Variants in PLCB4 observed in about 807,000 individuals in gnomAD.
The protein encoded by PLCB4 is phospholipase C beta 4, also known as 1-phosphatidylinositol 4,5-bisphosphate phosphodiesterase beta-4.
A neutral mutation model predicts 178.8 loss-of-function variants in PLCB4; 77 were observed. The ratio of observed to expected loss-of-function variants is 0.43; its 90% CI spans 0.36 to 0.52. The LOEUF is 0.52. PLCB4 is among the 20% of genes least tolerant of loss of function. The pLI is 0.00. For missense variants in PLCB4, 1,024 were observed against 1,453.4 expected (o/e 0.70, Z 4.80); for synonymous variants, 496 against 490.8 (o/e 1.01, Z -0.14).
chr20:9,356,615 C>G (rs1417960834), intron 7 of PLCB4, among the ~76,000 whole-genome samples: 3 of 152,150 alleles, frequency 2.0e-5, no homozygotes, highest in African/African-American at 7.2e-5. Context: ...TAGTTTGCTC[C>G]AAGTGCATGG....
chr20:9,296,542 TA>T (rs1339917198), intron 3 of PLCB4, among the ~76,000 whole-genome samples: 1 of 152,112 alleles, frequency 6.6e-6, no homozygotes, highest in African/African-American at 2.4e-5. Flanking sequence ...CATGCTGCTA[TA>T]AAGACACATG....
intron 3 of PLCB4, among the ~76,000 whole-genome samples, chr20:9,240,941 G>A (rs1274284099): frequency 6.6e-6 from 1 of 152,022 alleles, no homozygotes; most frequent in East Asian, 1.9e-4. Flanking sequence ...ATTTCCTGGT[G>A]GTAGCAGAGA....
chr20:9,216,280 C>T (rs1334147729), intron 2 of PLCB4, among the ~76,000 whole-genome samples: 1 of 147,548 alleles, frequency 6.8e-6, no homozygotes, highest in African/African-American at 2.5e-5. Context: ...TGCAGTGGTG[C>T]CATCTCGGCT....
chr20:9,287,893 A>T (rs1050185395), intron 3 of PLCB4, among the ~76,000 whole-genome samples: 1 of 152,048 alleles, frequency 6.6e-6, no homozygotes, highest in Admixed American at 6.6e-5. Flanking sequence ...AACAACAGTA[A>T]TTTCCATATT....
chr20:9,434,690 G>A (rs1467782790), intron 28 of PLCB4, among the ~76,000 whole-genome samples: 1 of 150,024 alleles, frequency 6.7e-6, no homozygotes, highest in Non-Finnish European at 1.5e-5. Flanking sequence ...ATGTGCAAAT[G>A]TTATTTTCTG....
intron 2 of PLCB4, among the ~76,000 whole-genome samples, chr20:9,183,633 A>G (rs1369832357): frequency 6.6e-6 from 1 of 152,218 alleles, no homozygotes; most frequent in East Asian, 1.9e-4. Flanking sequence ...AGTGATAAGT[A>G]ATATTTTAAG....
chr20:9,416,409 ACCTT>A (rs1179976806), intron 25 of PLCB4, among the ~76,000 whole-genome samples: 1 of 152,082 alleles, frequency 6.6e-6, no homozygotes, highest in African/African-American at 2.4e-5. Flanking sequence ...CCAAGTCCCG[ACCTT>A]CCTCGGGAGG....
chr20:9,289,218 T>C (rs1338064159), intron 3 of PLCB4, among the ~76,000 whole-genome samples: 1 of 152,256 alleles, frequency 6.6e-6, no homozygotes, highest in African/African-American at 2.4e-5. Flanking sequence ...GGCAGCAACA[T>C]TGATTTTATT....
At chr20:9,088,863 G>A (rs866070255) in intron 1 of PLCB4, among the ~76,000 whole-genome samples, 1 of 151,984 alleles carries the variant, frequency 6.6e-6, no homozygotes, top group South Asian at 2.1e-4. Context: ...ATATGTAAAT[G>A]TGTACTTTTT....
At chr20:9,175,950 C>T (rs2093147718) in intron 2 of PLCB4, among the ~76,000 whole-genome samples, 1 of 152,154 alleles carries the variant, frequency 6.6e-6, no homozygotes, top group South Asian at 2.1e-4. Flanking sequence ...TACACCACCA[C>T]CACAATCACA....
At chr20:9,173,632 T>A (rs1277961061) in intron 2 of PLCB4, among the ~76,000 whole-genome samples, 1 of 152,202 alleles carries the variant, frequency 6.6e-6, no homozygotes. Context: ...CCCGTGACTA[T>A]GGCTGAATCC....
In PLCB4 at chr20:9,480,419, A is replaced by G. The variant is rs1356634152; in HGVS notation, c.*1410A>G. ...TGAACAAAGCGGAGAAAATGATGATACCATCAATATTGAAATTAAACTTCC... is the reference window on the plus strand; with the variant it reads ...TGAACAAAGCGGAGAAAATGATGATGCCATCAATATTGAAATTAAACTTCC... On this transcript the variant is annotated 3_prime_UTR_variant, in exon 40 of 40. Transcript: ENST00000378473. 6.6e-6 allele frequency: 1 copy of G among 152,636 alleles called. No individual in the cohort carries two copies. The highest frequency in any genetic ancestry group is 1.5e-5 in the Non-Finnish European group (1 of 68,040). 9.5% of individuals were successfully genotyped at this position (152,636 alleles called of 1,614,324 possible).
chr20:9,125,912 T>C (rs2092100849), intron 2 of PLCB4, among the ~76,000 whole-genome samples: 1 of 152,128 alleles, frequency 6.6e-6, no homozygotes, highest in African/African-American at 2.4e-5. Flanking sequence ...AAGTTTACTT[T>C]GTTGGGGGAG....
At chr20:9,096,697 A>G (rs1432800783) in intron 2 of PLCB4, among the ~76,000 whole-genome samples, 1 of 152,148 alleles carries the variant, frequency 6.6e-6, no homozygotes, top group Non-Finnish European at 1.5e-5. Context: ...GGAAACCAAG[A>G]CAGTGTGGAA....
rs182392172 is a variant in PLCB4 at position 9,205,041 on chromosome 20, T to A, written c.-78-12349T>A. 6.6e-3 allele frequency among the ~76,000 whole-genome samples: 1,010 copies of A among 152,340 alleles called. 17 individuals are homozygous for A. Among genetic ancestry groups the A allele is most frequent in the African/African-American group, 0.023 (964 of 41,570 alleles). On this transcript the variant is annotated intron_variant, in intron 2 of 39. Coordinates refer to ENST00000378473, the MANE Select transcript of PLCB4 (RefSeq NM_001377142.1). ...TGACTTATGATGGTTCTGCTTACAA[T>A]TTTTTCTCTTAACAATGGTGCAAAA...
At chr20:9,428,376 G>A (rs1415896496) in intron 28 of PLCB4, among the ~76,000 whole-genome samples, 1 of 152,164 alleles carries the variant, frequency 6.6e-6, no homozygotes, top group East Asian at 1.9e-4. Context: ...GGGCAGGATG[G>A]ATTATGGTAA....
intron 2 of PLCB4, among the ~76,000 whole-genome samples, chr20:9,191,428 C>G (rs2093402839): frequency 7.0e-6 from 1 of 142,912 alleles, no homozygotes; most frequent in African/African-American, 2.6e-5. Context: ...AAGCAGAGAC[C>G]AGGTCCTCAC....
At chr20:9,200,432 G>C (rs2093528733) in intron 2 of PLCB4, among the ~76,000 whole-genome samples, 2 of 152,110 alleles carry the variant, frequency 1.3e-5, no homozygotes, top group South Asian at 4.1e-4. Flanking sequence ...CTGTTAGCTG[G>C]TTTCGGTGCT....
At chr20:9,346,728 T>C (rs2033834644) in intron 7 of PLCB4, among the ~76,000 whole-genome samples, 1 of 152,174 alleles carries the variant, frequency 6.6e-6, no homozygotes. Context: ...AACAAATAAT[T>C]GAGTGCATAT....
Sources: allele counts gnomAD v4.1 joint callset (sites outside exome capture counted in the v4.1 genomes callset), GRCh38; gene constraint gnomAD v4.1.1; transcripts MANE v1.5; gene names NCBI Gene and HGNC (gene_info 2026-07-23, HGNC 2026-07-21).